Variants in STK39 observed in about 807,000 individuals in gnomAD.
STK39 encodes serine/threonine kinase 39.
A neutral mutation model predicts 77.8 loss-of-function variants in STK39; 20 were observed. That is an observed-to-expected ratio of 0.26 (90% CI 0.18 to 0.37). STK39 has a LOEUF of 0.37. STK39 is among the 10% of genes least tolerant of loss of function. The pLI is 1.00. For synonymous variants in STK39, 246 were observed against 234.1 expected (o/e 1.05, Z -0.47); for missense variants, 479 against 656.5 (o/e 0.73, Z 2.95).
chr2:168,120,768 A>G (rs1469832680), intron 10 of STK39, among the ~76,000 whole-genome samples: 2 of 152,206 alleles, frequency 1.3e-5, no homozygotes, highest in African/African-American at 4.8e-5. Context: ...CATAGCTATT[A>G]TTACCATTAC....
chr2:167,988,458 G>C (rs1277912499), intron 16 of STK39, among the ~76,000 whole-genome samples: 1 of 152,108 alleles, frequency 6.6e-6, no homozygotes, highest in African/African-American at 2.4e-5. Flanking sequence ...TCATCTTTCT[G>C]ATCTTAGTGC....
intron 1 of STK39, among the ~76,000 whole-genome samples, chr2:168,214,100 C>T (rs1689963686): frequency 1.3e-5 from 2 of 152,106 alleles, no homozygotes; most frequent in Non-Finnish European, 2.9e-5. Context: ...GCCAGCCTGC[C>T]CACCTCCACA....
At chr2:168,064,543 G>A (rs139146886) in intron 13 of STK39, among the ~76,000 whole-genome samples, 1 of 152,128 alleles carries the variant, frequency 6.6e-6, no homozygotes, top group Non-Finnish European at 1.5e-5. Flanking sequence ...CCTCAAACAG[G>A]CTTCCTGAAG....
intron 1 of STK39, among the ~76,000 whole-genome samples, chr2:168,230,910 G>C (rs968691326): frequency 7.2e-5 from 11 of 152,126 alleles, no homozygotes; most frequent in Non-Finnish European, 2.9e-5. Context: ...CTGTGTAGTA[G>C]TCTTTGCTTC....
At chr2:168,142,894 T>C (rs1688031808) in intron 5 of STK39, among the ~76,000 whole-genome samples, 1 of 152,218 alleles carries the variant, frequency 6.6e-6, no homozygotes, top group Non-Finnish European at 1.5e-5. Flanking sequence ...ACAGAACATT[T>C]TGAGCAAAGT....
intron 10 of STK39, among the ~76,000 whole-genome samples, chr2:168,114,469 A>T (rs184711216): frequency 7.9e-5 from 12 of 152,350 alleles, no homozygotes; most frequent in Middle Eastern, 3.4e-3. Flanking sequence ...TGTTTTACAT[A>T]AACTGTCACA....
At chr2:168,209,790 G>C (rs1689837980) in intron 1 of STK39, among the ~76,000 whole-genome samples, 1 of 152,208 alleles carries the variant, frequency 6.6e-6, no homozygotes, top group Non-Finnish European at 1.5e-5. Flanking sequence ...CTTAAGGTCA[G>C]GAGTTCGAGA....
chr2:168,206,219 C>T (rs369150511), intron 1 of STK39, among the ~76,000 whole-genome samples: 4 of 152,208 alleles, frequency 2.6e-5, no homozygotes, highest in African/African-American at 9.6e-5. Flanking sequence ...ACAATTCCTA[C>T]CTTTCTAGCA....
At chr2:168,093,697 T>A (rs1212401958) in intron 10 of STK39, among the ~76,000 whole-genome samples, 1 of 152,126 alleles carries the variant, frequency 6.6e-6, no homozygotes, top group Non-Finnish European at 1.5e-5. Context: ...CAACTACCAG[T>A]CCACCAACCT....
intron 16 of STK39, among the ~76,000 whole-genome samples, chr2:168,009,534 C>A (rs1217951601): frequency 5.3e-5 from 8 of 152,160 alleles, no homozygotes; most frequent in African/African-American, 1.9e-4. Context: ...GCGCAAGGAA[C>A]ATTACCAGTT....
At chr2:168,115,516 C>A (rs1207206258) in intron 10 of STK39, among the ~76,000 whole-genome samples, 2 of 152,118 alleles carry the variant, frequency 1.3e-5, no homozygotes, top group African/African-American at 4.8e-5. Context: ...TGATGTTCAT[C>A]CCAGTGTGGT....
chr2:167,965,724 T>C (rs1692139159), intron 16 of STK39, among the ~76,000 whole-genome samples: 1 of 152,184 alleles, frequency 6.6e-6, no homozygotes, highest in Admixed American at 6.5e-5. Flanking sequence ...ATCTGCTGCT[T>C]CAGTAGTTAG....
At chr2:168,207,747 C>T (rs1471134114) in intron 1 of STK39, among the ~76,000 whole-genome samples, 1 of 151,770 alleles carries the variant, frequency 6.6e-6, no homozygotes, top group East Asian at 1.9e-4. Flanking sequence ...TACCAGGTAC[C>T]GTGTCTGTTG....
intron 5 of STK39, among the ~76,000 whole-genome samples, chr2:168,147,145 AAC>A (rs2105547798): frequency 6.6e-6 from 1 of 152,354 alleles, no homozygotes; most frequent in South Asian, 2.1e-4. Flanking sequence ...GTGATTACCC[AAC>A]ACAGAAAAAC....
intron 17 of STK39, among the ~76,000 whole-genome samples, chr2:167,962,207 C>T (rs1039409647): frequency 2.0e-5 from 3 of 152,098 alleles, no homozygotes; most frequent in African/African-American, 4.8e-5. Flanking sequence ...AGGGACCATG[C>T]GCAGCAGCAG....
intron 16 of STK39, among the ~76,000 whole-genome samples, chr2:167,971,721 T>C (rs1041024066): frequency 3.3e-5 from 5 of 152,312 alleles, no homozygotes; most frequent in Middle Eastern, 6.8e-3. Context: ...TTAGTTACTA[T>C]CCCAATACAA....
chr2:168,037,657 AT>A (rs1289809819), intron 14 of STK39, among the ~76,000 whole-genome samples: 2 of 152,228 alleles, frequency 1.3e-5, no homozygotes, highest in African/African-American at 2.4e-5. Context: ...AAAAATAACC[AT>A]AAGATGCAAT....
At chr2:167,992,373 T>G (rs943573937) in intron 16 of STK39, among the ~76,000 whole-genome samples, 1 of 151,978 alleles carries the variant, frequency 6.6e-6, no homozygotes, top group Non-Finnish European at 1.5e-5. Flanking sequence ...ATCAGAGCTG[T>G]AGGCCACCAG....
chr2:168,114,624 C>T (rs934509054), intron 10 of STK39, among the ~76,000 whole-genome samples: 7 of 151,994 alleles, frequency 4.6e-5, no homozygotes, highest in Non-Finnish European at 8.8e-5. Context: ...AAAAACAATG[C>T]AATGGTTCAG....
Sources: gnomAD v4.1 joint callset for allele counts (sites outside exome capture counted in the v4.1 genomes callset) on GRCh38, gnomAD v4.1.1 for gene constraint, MANE v1.5 for transcripts, NCBI Gene and HGNC (gene_info 2026-07-23, HGNC 2026-07-21) for gene names.